The following TRAPPC9 variants were observed in gnomAD, a reference collection of about 807,000 sequenced individuals.
TRAPPC9 encodes the protein trafficking protein particle complex subunit 9, also known as IKK2 binding protein.
TRAPPC9 carries 83 observed loss-of-function variants against 124.0 expected under a neutral mutation model. The ratio of observed to expected loss-of-function variants is 0.67; its 90% CI spans 0.56 to 0.80. The LOEUF (loss-of-function observed/expected upper bound fraction) is 0.80. Ranked by LOEUF, TRAPPC9 falls within the 30% of genes least tolerant of loss-of-function variation. The pLI, the probability that TRAPPC9 is intolerant of heterozygous loss-of-function variation, is 0.00. For missense variants in TRAPPC9, 1,302 were observed against 1,508.3 expected, an observed-to-expected ratio of 0.86 and a Z score of 2.27; for synonymous variants, 638 against 617.5, an observed-to-expected ratio of 1.03 and a Z score of -0.49.
chr8:140,419,691 C>G (rs1416091866), intron 5 of TRAPPC9, among the ~76,000 whole-genome samples: 1 of 151,564 alleles, frequency 6.6e-6, no homozygotes, highest in African/African-American at 2.4e-5. Flanking sequence ...CAAAACCATC[C>G]TGGCTAACAC....
chr8:140,456,447 C>T (rs1036170436), intron 1 of TRAPPC9, among the ~76,000 whole-genome samples: 20 of 151,584 alleles, frequency 1.3e-4, no homozygotes, highest in Non-Finnish European at 2.4e-4. Flanking sequence ...CTGAATTGTA[C>T]ACTTTAAAGC....
chr8:140,329,626 T>C (rs968159451), intron 9 of TRAPPC9, among the ~76,000 whole-genome samples: 1 of 152,198 alleles, frequency 6.6e-6, no homozygotes, highest in Admixed American at 6.5e-5. Flanking sequence ...TGCTAGTAAG[T>C]GAGGCTGAGA....
At chr8:140,396,581 T>A (rs1367327212) in intron 7 of TRAPPC9, among the ~76,000 whole-genome samples, 2 of 137,308 alleles carry the variant, frequency 1.5e-5, no homozygotes, top group Non-Finnish European at 3.1e-5. Context: ...TACCTCTCCA[T>A]CTCCCCATCT....
intron 11 of TRAPPC9, among the ~76,000 whole-genome samples, chr8:140,297,252 T>C (rs975559839): frequency 1.3e-5 from 2 of 152,236 alleles, no homozygotes; most frequent in Non-Finnish European, 2.9e-5. Flanking sequence ...AGAGACAAGA[T>C]TGGGGTGTCT....
intron 17 of TRAPPC9, among the ~76,000 whole-genome samples, chr8:140,220,584 A>C (rs539356990): frequency 2.0e-5 from 3 of 152,290 alleles, no homozygotes; most frequent in Admixed American, 1.3e-4. Flanking sequence ...ATCAACCAGA[A>C]CTGGCCTATT....
At chr8:140,169,483 T>C (rs1310149567) in intron 17 of TRAPPC9, among the ~76,000 whole-genome samples, 1 of 152,008 alleles carries the variant, frequency 6.6e-6, no homozygotes, top group African/African-American at 2.4e-5. Flanking sequence ...TGCACACACA[T>C]GTTCACAGTA....
intron 21 of TRAPPC9, among the ~76,000 whole-genome samples, chr8:139,740,951 T>C (rs1012714370): frequency 2.0e-5 from 3 of 152,116 alleles, no homozygotes; most frequent in Admixed American, 6.5e-5. Flanking sequence ...TCCAGGGAGA[T>C]GCAGAGGCCC....
chr8:140,130,753 C>T, intron 17 of TRAPPC9, among the ~76,000 whole-genome samples: 1 of 152,112 alleles, frequency 6.6e-6, no homozygotes, highest in East Asian at 1.9e-4. Flanking sequence ...CAGGAAAGTG[C>T]TTGGGGGTGA....
At chr8:140,294,323 G>A (rs113026956) in intron 11 of TRAPPC9, among the ~76,000 whole-genome samples, 5,016 of 152,034 alleles carry the variant, frequency 0.033, 276 homozygotes, top group African/African-American at 0.11. Flanking sequence ...CTCCCAGCCC[G>A]CCTGACCCCG....
chr8:140,072,703 T>C (rs1433435885), intron 17 of TRAPPC9, among the ~76,000 whole-genome samples: 1 of 152,156 alleles, frequency 6.6e-6, no homozygotes, highest in Non-Finnish European at 1.5e-5. Context: ...CATATATATA[T>C]ATATCTTCAC....
chr8:139,810,290 G>A (rs569120043), intron 21 of TRAPPC9, among the ~76,000 whole-genome samples: 2 of 152,300 alleles, frequency 1.3e-5, no homozygotes, highest in Admixed American at 6.5e-5. Context: ...TGGAGGTGGG[G>A]AGGTGAGGGT....
At chr8:140,188,965 C>G (rs1159076112) in intron 17 of TRAPPC9, among the ~76,000 whole-genome samples, 1 of 149,200 alleles carries the variant, frequency 6.7e-6, no homozygotes, top group Non-Finnish European at 1.5e-5. Context: ...CAGCCCTCCT[C>G]CCGTTGTTTC....
chr8:140,432,980 G>A lies in TRAPPC9; in HGVS notation c.859+2132C>T, dbSNP rs184491118. 7.9e-5 allele frequency among the ~76,000 whole-genome samples: 12 copies of A among 151,962 alleles called. No individual in the cohort carries two copies. In the East Asian group the frequency reaches 1.9e-3, roughly 25 times the overall value. On this transcript the variant is annotated intron_variant, in intron 4 of 22. Coordinates refer to ENST00000438773, the MANE Select transcript of TRAPPC9 (RefSeq NM_001160372.4). ...CAACTATTAATCATACAATTTTGTTGAAATACAAACACATTTATTTATATA... is the reference window on the plus strand; with the variant it reads ...CAACTATTAATCATACAATTTTGTTAAAATACAAACACATTTATTTATATA...
At chr8:140,449,337 GC>G (rs941818150) in intron 2 of TRAPPC9, among the ~76,000 whole-genome samples, 12 of 152,186 alleles carry the variant, frequency 7.9e-5, no homozygotes, top group Admixed American at 7.2e-4. Context: ...AAGCCAGGAG[GC>G]CAGTGACTGA....
chr8:139,736,975 G>A (rs1406986843), intron 21 of TRAPPC9, among the ~76,000 whole-genome samples: 2 of 152,244 alleles, frequency 1.3e-5, no homozygotes, highest in African/African-American at 2.4e-5. Context: ...TTACAAGATG[G>A]CTTCCCCGAC....
At chr8:139,915,562 T>C (rs1832069945) in intron 19 of TRAPPC9, among the ~76,000 whole-genome samples, 1 of 152,206 alleles carries the variant, frequency 6.6e-6, no homozygotes, top group South Asian at 2.1e-4. Context: ...CAATTTTTAA[T>C]AAAGTAAGGA....
In TRAPPC9 at chr8:140,443,297, G is replaced by A. The variant is rs10104590; in HGVS notation, c.585-4100C>T. Among the ~76,000 whole-genome samples the A allele has an allele frequency of 6.8e-3, 1,020 of 150,284 alleles. 21 individuals carry two copies. The highest frequency in any genetic ancestry group is 0.023 in the African/African-American group (957 of 40,808). ...AAAAAATACAAAAAATTAGCCAGGC[G>A]TGGTGGTGGGCGCCTGTAGTCCCAG... On this transcript the variant is annotated intron_variant, in intron 2 of 22. Transcript: ENST00000438773.
intron 18 of TRAPPC9, among the ~76,000 whole-genome samples, chr8:139,999,853 T>C (rs1838276038): frequency 6.6e-6 from 1 of 152,180 alleles, no homozygotes; most frequent in Non-Finnish European, 1.5e-5. Flanking sequence ...AGAAATAAAA[T>C]ATTTTGGAGT....
chr8:139,979,091 G>A (rs112841115), intron 19 of TRAPPC9, among the ~76,000 whole-genome samples: 118 of 151,922 alleles, frequency 7.8e-4, no homozygotes, highest in African/African-American at 2.6e-3. Context: ...GTGCGGAGCC[G>A]TGAGGGTCAG....
Sources: gnomAD v4.1 joint callset for allele counts (sites outside exome capture counted in the v4.1 genomes callset) on GRCh38, gnomAD v4.1.1 for gene constraint, MANE v1.5 for transcripts, NCBI Gene and HGNC (gene_info 2026-07-23, HGNC 2026-07-21) for gene names.